Variants in RORA observed in about 807,000 individuals in gnomAD.
The protein encoded by RORA is RAR related orphan receptor A.
A neutral mutation model predicts 69.5 loss-of-function variants in RORA; 7 were observed. The observed-to-expected ratio is 0.10, with a 90% CI of 0.06 to 0.19. RORA has a LOEUF of 0.19. Ranked by LOEUF, RORA falls within the 10% of genes least tolerant of loss-of-function variation. The pLI is 1.00. For missense variants in RORA, 457 were observed against 663.0 expected, an observed-to-expected ratio of 0.69 and a Z score of 3.41; for synonymous variants, 261 against 240.8, an observed-to-expected ratio of 1.08 and a Z score of -0.78.
intron 1 of RORA, among the ~76,000 whole-genome samples, chr15:61,207,237 C>G (rs988773283): frequency 6.6e-6 from 1 of 152,150 alleles, no homozygotes; most frequent in Non-Finnish European, 1.5e-5. Flanking sequence ...ATATTTACCA[C>G]ACATGTGAAG....
chr15:60,534,420 T>C lies in RORA; in HGVS notation c.197-2569A>G, dbSNP rs1327115790. On this transcript the variant is annotated intron_variant, in intron 2 of 10. Transcript: ENST00000335670. This position sits in a 1 kb window ranked among gnomAD's most constrained non-coding sequence, Gnocchi z 5.0. ...CTGGAGGATATTTGAGCGGAGACAG[T>C]CACGAGATCTGTGGAGGCCAAGACG... Among the ~76,000 whole-genome samples the C allele has an allele frequency of 6.6e-6, 1 of 152,100 alleles. No individual in the cohort carries two copies. The highest frequency in any genetic ancestry group is 1.5e-5 in the Non-Finnish European group (1 of 68,016).
At chr15:60,785,981 CTATT>C in intron 1 of RORA, among the ~76,000 whole-genome samples, 2 of 149,704 alleles carry the variant, frequency 1.3e-5, no homozygotes, top group South Asian at 4.2e-4. Context: ...CTCAGTATAA[CTATT>C]TGTTAGGCAC....
rs536278287 is a variant in RORA, at chr15:60,926,748, T to C, written c.167-248062A>G. Among the ~76,000 whole-genome samples, 7 of 152,342 alleles carry C rather than the reference T, an allele frequency of 4.6e-5. No homozygotes were observed. In the South Asian group the frequency reaches 1.2e-3, roughly 27 times the overall value. On this transcript the variant is annotated intron_variant, in intron 1 of 10. Transcript: ENST00000335670. The stretch of plus-strand genomic sequence containing the variant: ...GAATACATTATGATTTACTGATGAA[T>C]GAAATATCCCGCATCATAAACATGA...
chr15:60,797,533 G>A (rs2072515605), intron 1 of RORA, among the ~76,000 whole-genome samples: 1 of 152,134 alleles, frequency 6.6e-6, no homozygotes, highest in African/African-American at 2.4e-5. Flanking sequence ...CATTCTTTGG[G>A]TACCATGAGT....
intron 1 of RORA, among the ~76,000 whole-genome samples, chr15:60,865,725 G>GC (rs1567218841): frequency 1.3e-5 from 2 of 152,128 alleles, no homozygotes; most frequent in Non-Finnish European, 2.9e-5. Flanking sequence ...CCTGGAAACA[G>GC]CCCCTTCCAG....
At chr15:60,820,805 T>C (rs911214903) in intron 1 of RORA, among the ~76,000 whole-genome samples, 5 of 152,214 alleles carry the variant, frequency 3.3e-5, no homozygotes, top group Non-Finnish European at 7.3e-5. Context: ...CTTGACTATA[T>C]AGTATCTCAC....
intron 1 of RORA, among the ~76,000 whole-genome samples, chr15:60,820,096 C>T (rs970588718): frequency 6.6e-6 from 1 of 152,224 alleles, no homozygotes; most frequent in Non-Finnish European, 1.5e-5. Flanking sequence ...AAAAGCCTTC[C>T]CTGCTATCTT....
intron 3 of RORA, among the ~76,000 whole-genome samples, chr15:60,516,178 T>A (rs1321458471): frequency 3.7e-5 from 1 of 26,936 alleles, no homozygotes; most frequent in African/African-American, 2.3e-4. Context: ...TATATTTATA[T>A]ATATATTTAT....
chr15:60,951,700 T>C (rs1893102741), intron 1 of RORA, among the ~76,000 whole-genome samples: 1 of 152,154 alleles, frequency 6.6e-6, no homozygotes, highest in Non-Finnish European at 1.5e-5. Flanking sequence ...AAGAAATGGA[T>C]AAATTCCTCG....
chr15:61,056,594 G>A (rs372161731), intron 1 of RORA, among the ~76,000 whole-genome samples: 4 of 152,146 alleles, frequency 2.6e-5, no homozygotes, highest in Non-Finnish European at 5.9e-5. Flanking sequence ...ATACCAGATG[G>A]ACCATCCTTC....
intron 1 of RORA, among the ~76,000 whole-genome samples, chr15:60,863,995 G>T (rs4775306): frequency 6.6e-6 from 1 of 151,794 alleles, no homozygotes; most frequent in Admixed American, 6.6e-5. Flanking sequence ...TTAGTAGAGA[G>T]GGAATTTCAC....
chr15:61,046,849 G>A (rs1305299563), intron 1 of RORA, among the ~76,000 whole-genome samples: 3 of 152,168 alleles, frequency 2.0e-5, no homozygotes, highest in Non-Finnish European at 2.9e-5. Flanking sequence ...CTTCGAGGCT[G>A]CTCTGATGAA....
At chr15:60,709,445 C>T (rs1242484387) in intron 1 of RORA, among the ~76,000 whole-genome samples, 1 of 152,146 alleles carries the variant, frequency 6.6e-6, no homozygotes, top group African/African-American at 2.4e-5. Flanking sequence ...TCCTTTAGAT[C>T]AGGGGTCCTT....
intron 1 of RORA, among the ~76,000 whole-genome samples, chr15:61,135,698 G>C (rs2079232803): frequency 6.6e-6 from 1 of 151,968 alleles, no homozygotes; most frequent in Admixed American, 6.6e-5. Flanking sequence ...GGGAAGCAGA[G>C]AGCAGGACTG....
chr15:60,502,514 A>G (rs1044361360), intron 8 of RORA, among the ~76,000 whole-genome samples: 1 of 152,188 alleles, frequency 6.6e-6, no homozygotes. Flanking sequence ...AGGACACGTC[A>G]TATAAATCCC....
chr15:60,792,778 T>C (rs1275896139), intron 1 of RORA, among the ~76,000 whole-genome samples: 1 of 152,208 alleles, frequency 6.6e-6, no homozygotes, highest in Non-Finnish European at 1.5e-5. Context: ...GAAAAGAAAG[T>C]TCTGCAGTCT....
chr15:60,623,578 C>G (rs903216280), intron 2 of RORA, among the ~76,000 whole-genome samples: 8 of 152,130 alleles, frequency 5.3e-5, no homozygotes, highest in Non-Finnish European at 1.2e-4. Context: ...TAAGGCCCAG[C>G]TAGTCAATGG....
At chr15:60,550,163 C>A (rs186562840) in intron 2 of RORA, among the ~76,000 whole-genome samples, 5 of 152,158 alleles carry the variant, frequency 3.3e-5, no homozygotes, top group Non-Finnish European at 5.9e-5. Flanking sequence ...TGATGGCACA[C>A]GCCTATAATC....
At chr15:60,946,394 A>G (rs1892875194) in intron 1 of RORA, among the ~76,000 whole-genome samples, 1 of 152,104 alleles carries the variant, frequency 6.6e-6, no homozygotes, top group South Asian at 2.1e-4. Context: ...CAGCCTGCCG[A>G]GTGCCTGCGA....
Sources: allele counts gnomAD v4.1 joint callset (sites outside exome capture counted in the v4.1 genomes callset), GRCh38; gene constraint gnomAD v4.1.1; non-coding constraint Gnocchi (gnomAD v3.1); transcripts MANE v1.5; gene names NCBI Gene and HGNC (gene_info 2026-07-23, HGNC 2026-07-21).